CEP135: variants seen among roughly 807,000 people sequenced by gnomAD.
CEP135 encodes centrosomal protein 135.
Under a neutral mutation model 157.3 loss-of-function variants are expected in CEP135, and 142 were observed. The observed-to-expected ratio is 0.90, with a 90% CI of 0.79 to 1.04. The LOEUF is 1.04. CEP135 is among the 50% of genes least tolerant of loss of function. The probability of loss-of-function intolerance (pLI) is 0.00; values close to 1 mark genes in which losing one functional copy is unlikely to be tolerated. For missense variants in CEP135, 1,317 were observed against 1,309.2 expected (o/e 1.01, Z -0.09); for synonymous variants, 396 against 439.8 (o/e 0.90, Z 1.25).
At chr4:55,998,495 T>C (rs1164234554) in intron 15 of CEP135, among the ~76,000 whole-genome samples, 1 of 152,188 alleles carries the variant, frequency 6.6e-6, no homozygotes, top group African/African-American at 2.4e-5. Context: ...CTGCAGGAAA[T>C]GCCTACTTTC....
chr4:55,969,519 T>C (rs192377644), intron 9 of CEP135, among the ~76,000 whole-genome samples: 213 of 152,278 alleles, frequency 1.4e-3, no homozygotes, highest in African/African-American at 5.0e-3. Context: ...TCTGTTTCTG[T>C]AGATTTATCT....
intron 17 of CEP135, among the ~76,000 whole-genome samples, chr4:56,003,122 A>G (rs371008002): frequency 2.6e-5 from 4 of 151,764 alleles, no homozygotes; most frequent in South Asian, 2.1e-4. Context: ...TTATTAGTCA[A>G]CCTTAAAGGT....
intron 19 of CEP135, among the ~76,000 whole-genome samples, chr4:56,010,148 G>A (rs1285844357): frequency 4.6e-5 from 7 of 150,822 alleles, no homozygotes; most frequent in Middle Eastern, 3.2e-3. Context: ...TCAGGAGTTC[G>A]AGACCAGCCT....
chr4:56,004,439 A>AT (rs938125984), intron 17 of CEP135, among the ~76,000 whole-genome samples: 1 of 152,190 alleles, frequency 6.6e-6, no homozygotes, highest in Admixed American at 6.5e-5. Context: ...TAGTGTATAG[A>AT]TTAACTCCAA....
intron 1 of CEP135, among the ~76,000 whole-genome samples, chr4:55,951,474 A>G (rs1162848827): frequency 2.6e-5 from 4 of 152,196 alleles, no homozygotes. Flanking sequence ...TTGTATTTCC[A>G]TGTTGACTAC....
chr4:56,010,360 CAAAA>C (rs34182911), intron 19 of CEP135, among the ~76,000 whole-genome samples: 4 of 110,930 alleles, frequency 3.6e-5, no homozygotes, highest in Admixed American at 9.2e-5. Context: ...AGACTCCATC[CAAAA>C]AAAAAAAAAA....
chr4:55,958,696 C>A (rs1728580884), intron 5 of CEP135, among the ~76,000 whole-genome samples: 1 of 152,080 alleles, frequency 6.6e-6, no homozygotes, highest in African/African-American at 2.4e-5. Context: ...TTCTCCTAAA[C>A]CTAGATTAGT....
chr4:56,009,524 A>T (rs1299833838), intron 18 of CEP135, among the ~76,000 whole-genome samples: 3 of 151,314 alleles, frequency 2.0e-5, no homozygotes, highest in Non-Finnish European at 4.4e-5. Flanking sequence ...TTGGAATAAC[A>T]TTTTTTTTTA....
intron 25 of CEP135, among the ~76,000 whole-genome samples, chr4:56,030,418 A>G (rs1305086908): frequency 6.6e-6 from 1 of 152,190 alleles, no homozygotes; most frequent in Non-Finnish European, 1.5e-5. Context: ...ATTATGGAAC[A>G]TATGACCATA....
chr4:55,995,554 G>A (rs1182050526), intron 15 of CEP135, among the ~76,000 whole-genome samples: 1 of 151,894 alleles, frequency 6.6e-6, no homozygotes, highest in Non-Finnish European at 1.5e-5. Flanking sequence ...AGTAGCCCTA[G>A]GCAATATATA....
chr4:55,999,787 G>T (rs1222236540), intron 17 of CEP135, 142 bp downstream of exon 17: 1 of 757,746 alleles, frequency 1.3e-6, no homozygotes, highest in Non-Finnish European at 2.1e-6. Context: ...CTATCTCTTG[G>T]GCTCAAGGAA....
chr4:55,963,115 C>T (rs1728735854), intron 6 of CEP135, among the ~76,000 whole-genome samples: 1 of 152,186 alleles, frequency 6.6e-6, no homozygotes, highest in South Asian at 2.1e-4. Context: ...CCTTCGCATA[C>T]CACTCACCAA....
At chr4:55,953,405 C>A in intron 3 of CEP135, 130 bp downstream of exon 3, 1 of 622,416 alleles carries the variant, frequency 1.6e-6, no homozygotes, top group Non-Finnish European at 2.5e-6. Flanking sequence ...ATGGTGTGTG[C>A]CTATAGTCCC....
In CEP135 at chr4:56,019,379, G is replaced by A. The variant is rs151055018; in HGVS notation, c.3039G>A (p.Lys1013=). 5.6e-6 allele frequency: 9 copies of A among 1,612,596 alleles called. No individual in the cohort carries two copies. In the African/African-American group the frequency reaches 8.0e-5, roughly 14 times the overall value. Residue 1013 remains lysine (K), a synonymous_variant, in exon 23 of 26, where the codon AAG becomes AAA. Coordinates refer to ENST00000257287, the MANE Select transcript of CEP135 (RefSeq NM_025009.5). ...ERVVVELENV[K]SESDLLKKQL... ...TTGTGGTGGAATTAGAAAATGTAAA[G>A]TCAGAGTCAGACCTACTGAAAAAAC...
rs75376349 is a variant in CEP135, at chr4:55,952,272, T to G, written c.113+29T>G. ...AAGACAAAAATACAGTTTTCAACCT[T>G]TATGATCCCTAACCACTTACCTCAT... On this transcript the variant is annotated intron_variant, in intron 2 of 25. Transcript: ENST00000257287. 523 of 1,284,074 alleles carry G rather than the reference T, an allele frequency of 4.1e-4. 1 individual carries two copies. In the African/African-American group the frequency reaches 7.1e-3, roughly 18 times the overall value. 79.5% of individuals were successfully genotyped at this position (1,284,074 alleles called of 1,614,324 possible).
In CEP135 at chr4:56,031,687, A is replaced by G. The variant is rs1731358021; in HGVS notation, c.*339A>G. 1 of 152,180 alleles carries G rather than the reference A, an allele frequency of 6.6e-6. No individual in the cohort carries two copies. Among genetic ancestry groups the G allele is most frequent in the Admixed American group, 6.5e-5 (1 of 15,276 alleles). 9.4% of individuals were successfully genotyped at this position (152,180 alleles called of 1,614,324 possible). A position where few individuals can be genotyped will look rare whatever the true frequency, so the allele number is the denominator to read the frequency against. On this transcript the variant is annotated 3_prime_UTR_variant, in exon 26 of 26. Coordinates refer to ENST00000257287, the MANE Select transcript of CEP135 (RefSeq NM_025009.5). ...CACATTATTCTTTAATAATCTGTTT[A>G]TTAATAAGCCATGATATGTGTATGT...
rs375661529 is a variant in CEP135, at chr4:56,019,427, A to G, written c.3087A>G (p.Thr1029=). 9 of 1,613,908 alleles carry G rather than the reference A, an allele frequency of 5.6e-6. No individual in the cohort carries two copies. In the African/African-American group the frequency reaches 1.1e-4, roughly 19 times the overall value. Residue 1029 remains threonine (T), a synonymous_variant, in exon 23 of 26, where the codon ACA becomes ACG. Transcript: ENST00000257287. ...AACAACTTTCAAATGAGAGACATAC[A>G]GTTAAAAACCTCGAATCATTGTTGG... ...LKKQLSNERH[T]VKNLESLLAT...
intron 9 of CEP135, among the ~76,000 whole-genome samples, chr4:55,970,832 A>G (rs1355786282): frequency 6.6e-6 from 1 of 152,212 alleles, no homozygotes; most frequent in Non-Finnish European, 1.5e-5. Flanking sequence ...CATCCTCGCC[A>G]GTAAATCCTT....
In CEP135 at chr4:55,975,955, A is replaced by T. The variant is rs574518670; in HGVS notation, c.1473+986A>T. On this transcript the variant is annotated intron_variant, in intron 11 of 25. Transcript: ENST00000257287. The stretch of plus-strand genomic sequence containing the variant: ...GTCAGTGTAAGCACTATACTATGTT[A>T]TCTATTATAAGAATAAGGCCAGGTG... 2.0e-4 allele frequency among the ~76,000 whole-genome samples: 31 copies of T among 152,274 alleles called. 1 individual carries two copies. The highest frequency in any genetic ancestry group is 7.2e-4 in the African/African-American group (30 of 41,550).
Sources: gnomAD v4.1 joint callset for allele counts (sites outside exome capture counted in the v4.1 genomes callset) on GRCh38, gnomAD v4.1.1 for gene constraint, MANE v1.5 for transcripts, NCBI Gene and HGNC (gene_info 2026-07-23, HGNC 2026-07-21) for gene names.